PDE8B: variants seen among roughly 807,000 people sequenced by gnomAD.
PDE8B encodes the protein phosphodiesterase 8B.
Under a neutral mutation model 101.3 loss-of-function variants are expected in PDE8B, and 26 were observed. That is an observed-to-expected ratio of 0.26 (90% CI 0.19 to 0.36). The LOEUF is 0.36. Among genes scored for constraint, PDE8B ranks in the 10% least tolerant of loss-of-function variants. The pLI is 1.00. For missense variants in PDE8B, 810 were observed against 1,163.1 expected, an observed-to-expected ratio of 0.70 and a Z score of 4.42; for synonymous variants, 424 against 429.3, an observed-to-expected ratio of 0.99 and a Z score of 0.15.
chr5:77,299,118 A>G (rs773793123), intron 1 of PDE8B, among the ~76,000 whole-genome samples: 7 of 152,192 alleles, frequency 4.6e-5, no homozygotes, highest in Non-Finnish European at 8.8e-5. Context: ...CCTGTCTTAC[A>G]CAAAGGCCCC....
the PDE8B span, among the ~76,000 whole-genome samples, chr5:77,187,891 A>G: frequency 6.6e-6 from 1 of 152,204 alleles, no homozygotes; most frequent in Non-Finnish European, 1.5e-5. Flanking sequence ...TTTGAGTGAA[A>G]CTTATGAAGG....
intron 7 of PDE8B, among the ~76,000 whole-genome samples, chr5:77,347,126 C>T (rs1431612855): frequency 1.3e-5 from 2 of 152,174 alleles, no homozygotes; most frequent in African/African-American, 2.4e-5. Context: ...TCTATCTAAA[C>T]TCTATATGTA....
At chr5:77,128,110 T>C in the PDE8B span, among the ~76,000 whole-genome samples, 1 of 152,336 alleles carries the variant, frequency 6.6e-6, no homozygotes, top group South Asian at 2.1e-4. Context: ...GAATTCCCCA[T>C]TCCTTTACAA....
At chr5:77,182,777 T>C in the PDE8B span, among the ~76,000 whole-genome samples, 1 of 151,966 alleles carries the variant, frequency 6.6e-6, no homozygotes, top group Non-Finnish European at 1.5e-5. Context: ...TTTTACTTTA[T>C]ATACACATCT....
intron 1 of PDE8B, among the ~76,000 whole-genome samples, chr5:77,257,739 G>A (rs933829601): frequency 1.3e-5 from 2 of 152,038 alleles, no homozygotes; most frequent in African/African-American, 4.8e-5. Flanking sequence ...CATGTGCCAT[G>A]GTGGTTTGCT....
At chr5:77,094,659 G>T in the PDE8B span, among the ~76,000 whole-genome samples, 7 of 152,192 alleles carry the variant, frequency 4.6e-5, no homozygotes, top group East Asian at 1.4e-3. Context: ...CTGAAAGGAG[G>T]TTTATTTGAC....
the PDE8B span, among the ~76,000 whole-genome samples, chr5:77,170,971 A>G: frequency 6.6e-6 from 1 of 152,248 alleles, no homozygotes; most frequent in Non-Finnish European, 1.5e-5. Context: ...TCTTGAGCTC[A>G]GGACTCTTCA....
chr5:77,344,538 C>T (rs1044873580), intron 6 of PDE8B, among the ~76,000 whole-genome samples: 1 of 152,184 alleles, frequency 6.6e-6, no homozygotes, highest in Admixed American at 6.5e-5. Context: ...TAGATGGCAC[C>T]CTCTCTATGT....
chr5:77,358,191 G>C (rs938427140), intron 10 of PDE8B, among the ~76,000 whole-genome samples: 1 of 152,196 alleles, frequency 6.6e-6, no homozygotes, highest in Non-Finnish European at 1.5e-5. Flanking sequence ...GAGAGAAGAG[G>C]GTGGTGGGGG....
At chr5:77,346,268 G>C (rs6897909) in intron 7 of PDE8B, among the ~76,000 whole-genome samples, 20,915 of 152,154 alleles carry the variant, frequency 0.14, 3,007 homozygotes, top group African/African-American at 0.36. Context: ...TCTGCCTCTT[G>C]GACCTCAGAG....
chr5:77,283,240 C>A (rs1231035015), intron 1 of PDE8B, among the ~76,000 whole-genome samples: 1 of 152,064 alleles, frequency 6.6e-6, no homozygotes, highest in East Asian at 1.9e-4. Flanking sequence ...AAACCCTGCA[C>A]CACCCCCCAC....
intron 12 of PDE8B, among the ~76,000 whole-genome samples, chr5:77,405,562 C>T (rs547503855): frequency 3.3e-5 from 5 of 152,184 alleles, no homozygotes; most frequent in African/African-American, 7.2e-5. Context: ...AGAAGAACAT[C>T]TCTAAGGGGT....
intron 1 of PDE8B, among the ~76,000 whole-genome samples, chr5:77,307,776 A>C (rs1771590005): frequency 6.6e-6 from 1 of 152,194 alleles, no homozygotes; most frequent in African/African-American, 2.4e-5. Flanking sequence ...GTGGAAACAC[A>C]TGTGGCTAGG....
chr5:77,421,794 A>AAG, intron 19 of PDE8B, 27 bp from the exon 20 acceptor site: 2 of 1,612,488 alleles, frequency 1.2e-6, no homozygotes, highest in Non-Finnish European at 1.7e-6. Flanking sequence ...TCTTGAACCA[A>AAG]GCCTGATCTG....
chr5:77,188,885 G>A, the PDE8B span, among the ~76,000 whole-genome samples: 5 of 152,318 alleles, frequency 3.3e-5, no homozygotes, highest in East Asian at 9.6e-4. Context: ...GAGTAAGTCT[G>A]AGGGTAAAGC....
At chr5:77,159,465 C>A in the PDE8B span, among the ~76,000 whole-genome samples, 5 of 152,078 alleles carry the variant, frequency 3.3e-5, no homozygotes, top group Non-Finnish European at 7.4e-5. Context: ...TGCCTTTGAA[C>A]CTTAGACTCC....
chr5:77,148,969 A>T, the PDE8B span, among the ~76,000 whole-genome samples: 1 of 152,068 alleles, frequency 6.6e-6, no homozygotes, highest in Non-Finnish European at 1.5e-5. Flanking sequence ...TTACCAAGGT[A>T]TTTTCTTCCA....
At chr5:77,387,583 G>A (rs945825015) in intron 10 of PDE8B, among the ~76,000 whole-genome samples, 11 of 152,168 alleles carry the variant, frequency 7.2e-5, no homozygotes, top group African/African-American at 2.7e-4. Context: ...GAGTATCTTT[G>A]TGGTGTTCTC....
At chr5:77,292,278 G>A (rs1490490891) in intron 1 of PDE8B, among the ~76,000 whole-genome samples, 1 of 152,116 alleles carries the variant, frequency 6.6e-6, no homozygotes. Context: ...CTGTCTCCTA[G>A]GTTCCTCCTG....
Sources: gnomAD v4.1 joint callset for allele counts (sites outside exome capture counted in the v4.1 genomes callset) on GRCh38, gnomAD v4.1.1 for gene constraint, MANE v1.5 for transcripts, NCBI Gene and HGNC (gene_info 2026-07-23, HGNC 2026-07-21) for gene names.